MALRD1: variants seen among roughly 807,000 people sequenced by gnomAD.
MALRD1 encodes the protein MAM and LDL receptor class A domain containing 1, also known as MAM and LDL-receptor class A domain-containing protein 1.
MALRD1 carries 247 observed loss-of-function variants against 242.1 expected under a neutral mutation model. The ratio of observed to expected loss-of-function variants is 1.02; its 90% CI spans 0.92 to 1.13. MALRD1 has a LOEUF of 1.13. Ranked by LOEUF, MALRD1 falls within the 50% of genes most tolerant of loss-of-function variation. The pLI is 0.00. For missense variants in MALRD1, 2,989 were observed against 2,533.1 expected, an observed-to-expected ratio of 1.18 and a Z score of -3.86; for synonymous variants, 995 against 866.6, an observed-to-expected ratio of 1.15 and a Z score of -2.60.
intron 14 of MALRD1, among the ~76,000 whole-genome samples, chr10:19,193,945 T>C (rs1836115159): frequency 6.6e-6 from 1 of 152,086 alleles, no homozygotes; most frequent in Admixed American, 6.5e-5. Flanking sequence ...ACATCACTGA[T>C]TTCTGCCTAC....
chr10:19,696,612 T>G (rs1833388189), intron 38 of MALRD1, among the ~76,000 whole-genome samples: 1 of 152,160 alleles, frequency 6.6e-6, no homozygotes, highest in South Asian at 2.1e-4. Context: ...TTTAATCCAT[T>G]AAGACTATCT....
chr10:19,296,450 A>T (rs1295123958), intron 21 of MALRD1, among the ~76,000 whole-genome samples: 4 of 152,240 alleles, frequency 2.6e-5, no homozygotes, highest in South Asian at 4.1e-4. Context: ...CCAGTTTGGA[A>T]AAATATTGCT....
At chr10:19,406,754 G>C (rs757727481) in intron 28 of MALRD1, among the ~76,000 whole-genome samples, 46 of 152,100 alleles carry the variant, frequency 3.0e-4, no homozygotes, top group Non-Finnish European at 5.4e-4. Context: ...TCTCACACAT[G>C]GTGAATGTTC....
intron 7 of MALRD1, 122 bp downstream of exon 7, chr10:19,124,792 A>G (rs1837194183): frequency 1.2e-6 from 1 of 823,254 alleles, no homozygotes; most frequent in Non-Finnish European, 1.6e-6. Context: ...TTGAAAATAC[A>G]TTCTGCCAAA....
chr10:19,663,115 CCGT>C (rs1295873693), intron 36 of MALRD1, among the ~76,000 whole-genome samples: 1 of 152,046 alleles, frequency 6.6e-6, no homozygotes, highest in African/African-American at 2.4e-5. Context: ...TTTAGTTTAA[CCGT>C]CACCCATATA....
chr10:19,407,946 A>G (rs1004993160), intron 28 of MALRD1, among the ~76,000 whole-genome samples: 2 of 152,198 alleles, frequency 1.3e-5, no homozygotes, highest in African/African-American at 4.8e-5. Context: ...GGGTGTTTCC[A>G]TAACACTGTT....
intron 26 of MALRD1, among the ~76,000 whole-genome samples, chr10:19,368,029 G>C (rs753957107): frequency 5.3e-5 from 8 of 151,978 alleles, no homozygotes; most frequent in Non-Finnish European, 7.4e-5. Context: ...TGGATGGATA[G>C]TTTGCAACAT....
At chr10:19,079,819 GA>G (rs143271988) in intron 2 of MALRD1, among the ~76,000 whole-genome samples, 3,840 of 152,044 alleles carry the variant, frequency 0.025, 154 homozygotes, top group African/African-American at 0.089. Flanking sequence ...AGGAAGAGAG[GA>G]AGTCAAATTA....
Position 19,124,647 on chromosome 10 carries a change from A to G in MALRD1, c.920A>G (p.Gln307Arg). 1 of 1,233,840 alleles carries G rather than the reference A, an allele frequency of 8.1e-7. No homozygotes were observed. The highest frequency in any genetic ancestry group is 1.0e-6 in the Non-Finnish European group (1 of 988,120). The allele number at this position is 1,233,840 out of a possible 1,614,324, so 76.4% of individuals were successfully genotyped here. Reference sequence around the variant, plus strand: ...CCTGCATTCGAATCCACACCTCAGCAGGATCAAGGAGGTGATGATGAAGGT... The same window carrying G: ...CCTGCATTCGAATCCACACCTCAGCGGGATCAAGGAGGTGATGATGAAGGT... ...EIPAFESTPQ[Q>R]DQGGDDEGYY... Residue 307 changes from glutamine to arginine, a missense_variant, in exon 7 of 40, where the codon CAG (glutamine) becomes CGG (arginine). Coordinates refer to ENST00000454679, the MANE Select transcript of MALRD1 (RefSeq NM_001142308.3).
At chr10:19,503,732 A>G (rs1838077107) in intron 31 of MALRD1, among the ~76,000 whole-genome samples, 1 of 152,230 alleles carries the variant, frequency 6.6e-6, no homozygotes. Context: ...TGCTATTGTT[A>G]CGTCTCCTCT....
At chr10:19,686,238 T>C (rs1842577569) in intron 36 of MALRD1, among the ~76,000 whole-genome samples, 3 of 152,154 alleles carry the variant, frequency 2.0e-5, no homozygotes, top group Admixed American at 1.3e-4. Context: ...AGAGCACATT[T>C]TGACGTTTGA....
chr10:19,096,223 C>A (rs1489278529), intron 4 of MALRD1, among the ~76,000 whole-genome samples: 1 of 152,058 alleles, frequency 6.6e-6, no homozygotes, highest in Non-Finnish European at 1.5e-5. Flanking sequence ...GTGATACATC[C>A]TGAGTTCTGA....
intron 18 of MALRD1, among the ~76,000 whole-genome samples, chr10:19,250,700 A>C (rs76788821): frequency 0.014 from 2,137 of 152,004 alleles, 40 homozygotes; most frequent in African/African-American, 0.049. Flanking sequence ...TAAAAACCGC[A>C]AAAAGCAAGT....
intron 36 of MALRD1, among the ~76,000 whole-genome samples, chr10:19,669,940 C>T (rs1841837842): frequency 6.6e-6 from 1 of 152,046 alleles, no homozygotes; most frequent in Non-Finnish European, 1.5e-5. Context: ...GAGGCTCACA[C>T]TAGAAGAAAC....
intron 32 of MALRD1, among the ~76,000 whole-genome samples, chr10:19,538,166 A>T (rs1466695475): frequency 6.6e-6 from 1 of 152,234 alleles, no homozygotes; most frequent in Non-Finnish European, 1.5e-5. Flanking sequence ...GTTTTAGGAT[A>T]AAAAGCCAAA....
intron 2 of MALRD1, among the ~76,000 whole-genome samples, chr10:19,069,265 C>T (rs908968018): frequency 1.3e-5 from 2 of 151,902 alleles, no homozygotes; most frequent in African/African-American, 4.8e-5. Context: ...TTTTGTTATT[C>T]TGATCAATTG....
intron 5 of MALRD1, among the ~76,000 whole-genome samples, chr10:19,113,877 A>G (rs1564400206): frequency 6.6e-6 from 1 of 151,902 alleles, no homozygotes; most frequent in Non-Finnish European, 1.5e-5. Flanking sequence ...CTCCATGACT[A>G]AATTCTAAGT....
At position 19,155,104 on chromosome 10, in the gene MALRD1, T is replaced by TC; in HGVS notation, c.1593dup (p.Gly532ArgfsTer66). The stretch of plus-strand genomic sequence containing the variant: ...GTTTATTTATTTGGAGGCACAGCGC[T>TC]CCCCCGGGGTGGCCAAGCTTGGAAG... On this transcript the variant is annotated frameshift_variant, in exon 12 of 40. Coordinates refer to ENST00000454679, the MANE Select transcript of MALRD1 (RefSeq NM_001142308.3). LOFTEE classifies it high-confidence loss of function. 1 of 1,231,506 alleles carries TC rather than the reference T, an allele frequency of 8.1e-7. No homozygotes were observed. Among genetic ancestry groups the TC allele is most frequent in the Non-Finnish European group, 1.0e-6 (1 of 987,884 alleles). 76.3% of individuals were successfully genotyped at this position (1,231,506 alleles called of 1,614,324 possible).
At chr10:19,697,435 A>C (rs888718186) in intron 38 of MALRD1, among the ~76,000 whole-genome samples, 1 of 151,884 alleles carries the variant, frequency 6.6e-6, no homozygotes, top group Admixed American at 6.6e-5. Context: ...ATTAAAGTCA[A>C]CTGATTATAA....
Sources: gnomAD v4.1 joint callset for allele counts (sites outside exome capture counted in the v4.1 genomes callset) on GRCh38, gnomAD v4.1.1 for gene constraint, MANE v1.5 for transcripts, NCBI Gene and HGNC (gene_info 2026-07-23, HGNC 2026-07-21) for gene names.